The following SOD1 variants were observed in gnomAD, a reference collection of about 807,000 sequenced individuals.
The protein encoded by SOD1 is superoxide dismutase 1.
Under a neutral mutation model 15.9 loss-of-function variants are expected in SOD1, and 8 were observed. The observed-to-expected ratio is 0.50, with a 90% CI of 0.30 to 0.91. The LOEUF is 0.91. Among genes scored for constraint, SOD1 ranks in the 40% least tolerant of loss-of-function variants. SOD1 has a pLI of 0.07. For missense variants in SOD1, 137 were observed against 194.5 expected (o/e 0.70, Z 1.76); for synonymous variants, 86 against 71.2 (o/e 1.21, Z -1.04).
At chr21:31,660,808 G>T (rs931032273) in intron 1 of SOD1, 10 of 152,164 alleles carry the variant, frequency 6.6e-5, no homozygotes, top group African/African-American at 2.4e-4. Context: ...TTTCGTATTT[G>T]GAAATTAGAA....
Position 31,664,006 on chromosome 21 carries a change from C to G in SOD1, c.169+120C>G, listed in dbSNP as rs369360821. 22 of 753,586 alleles carry G rather than the reference C, an allele frequency of 2.9e-5. No individual in the cohort carries two copies. The East Asian group carries it at 5.9e-4, about 20-fold the overall frequency. 46.7% of individuals were successfully genotyped at this position (753,586 alleles called of 1,614,324 possible). Reference sequence around the variant, plus strand: ...TTTGTTTTTGAGAAAGGGTCTTGCTCTGTCGCTCAGGCTGGAGTGCAGTGG... The same window carrying G: ...TTTGTTTTTGAGAAAGGGTCTTGCTGTGTCGCTCAGGCTGGAGTGCAGTGG... On this transcript the variant is annotated intron_variant, in intron 2 of 4. Transcript: ENST00000270142.
At chr21:31,659,901 C>G in intron 1 of SOD1, 60 bp downstream of exon 1, 1 of 1,560,032 alleles carries the variant, frequency 6.4e-7, no homozygotes, top group Non-Finnish European at 8.8e-7. Flanking sequence ...TCCCCCCGCG[C>G]ACCTTTGCTA....
In SOD1 at chr21:31,659,699, T is replaced by C. The variant is rs1412549788; in HGVS notation, c.-71T>C. The C allele has an allele frequency of 6.6e-7, 1 of 1,510,304 alleles. No homozygotes were observed. Among genetic ancestry groups the C allele is most frequent in the Non-Finnish European group, 9.2e-7 (1 of 1,086,904 alleles). 93.6% of individuals were successfully genotyped at this position (1,510,304 alleles called of 1,614,324 possible). On this transcript the variant is annotated 5_prime_UTR_variant, in exon 1 of 5. Coordinates refer to ENST00000270142, the MANE Select transcript of SOD1 (RefSeq NM_000454.5). ...GGAGACGGGGTGCTGGTTTGCGTCG[T>C]AGTCTCCTGCAGCGTCTGGGGTTTC...
intron 1 of SOD1, among the ~76,000 whole-genome samples, chr21:31,662,172 AG>A (rs1339193017): frequency 6.6e-6 from 1 of 152,182 alleles, no homozygotes; most frequent in East Asian, 1.9e-4. Flanking sequence ...GGTTAAATGG[AG>A]GTTTCAAAGA....
Position 31,666,497 on chromosome 21 carries a change from G to C in SOD1, c.218G>C (p.Gly73Ala). The C allele has an allele frequency of 6.2e-7, 1 of 1,612,598 alleles. No homozygotes were observed. Among genetic ancestry groups the C allele is most frequent in the Non-Finnish European group, 8.5e-7 (1 of 1,178,790 alleles). Residue 73 changes from glycine (G) to alanine (A), a missense_variant, in exon 3 of 5, where the codon GGT becomes GCT. Coordinates refer to ENST00000270142, the MANE Select transcript of SOD1 (RefSeq NM_000454.5). ...PHFNPLSRKH[G>A]GPKDEERHVG... Reference sequence around the variant, plus strand: ...TTTAATCCTCTATCCAGAAAACACGGTGGGCCAAAGGATGAAGAGAGGTAA... The same window carrying C: ...TTTAATCCTCTATCCAGAAAACACGCTGGGCCAAAGGATGAAGAGAGGTAA...
Position 31,663,771 on chromosome 21 carries a change from C to T in SOD1, c.73-19C>T. 1 of 1,572,838 alleles carries T rather than the reference C, an allele frequency of 6.4e-7. No individual in the cohort carries two copies. The highest frequency in any genetic ancestry group is 8.7e-7 in the Non-Finnish European group (1 of 1,143,052). ...TTCTTTGTTCAGAAACTCTCTCCAACTTTGCACTTTTCTTAAAGGAAAGTA... is the reference window on the plus strand; with the variant it reads ...TTCTTTGTTCAGAAACTCTCTCCAATTTTGCACTTTTCTTAAAGGAAAGTA... On this transcript the variant is annotated intron_variant, in intron 1 of 4. Coordinates refer to ENST00000270142, the MANE Select transcript of SOD1 (RefSeq NM_000454.5).
chr21:31,666,383 CTTTTTAGAATGTA>C, intron 2 of SOD1, 53 bp from the exon 3 acceptor site: 1 of 1,278,486 alleles, frequency 7.8e-7, no homozygotes, highest in African/African-American at 1.5e-5. Flanking sequence ...AGCAGTGTTT[CTTTTTAGAATGTA>C]TTTGGGAACT....
intron 1 of SOD1, chr21:31,661,636 AC>A (rs1333349130): frequency 6.6e-6 from 1 of 152,608 alleles, no homozygotes; most frequent in African/African-American, 2.4e-5. Flanking sequence ...TGCTGGGATT[AC>A]AGGCGTGAGC....
rs775589608 is a variant in SOD1 at position 31,659,721 on chromosome 21, T to C, written c.-49T>C. On this transcript the variant is annotated 5_prime_UTR_variant, in exon 1 of 5. Coordinates refer to ENST00000270142, the MANE Select transcript of SOD1 (RefSeq NM_000454.5). ...TCGTAGTCTCCTGCAGCGTCTGGGGTTTCCGTTGCAGTCCTCGGAACCAGG... is the reference window on the plus strand; with the variant it reads ...TCGTAGTCTCCTGCAGCGTCTGGGGCTTCCGTTGCAGTCCTCGGAACCAGG... The C allele has an allele frequency of 3.1e-6, 5 of 1,587,732 alleles. No homozygotes were observed. Among genetic ancestry groups the C allele is most frequent in the Non-Finnish European group, 4.3e-6 (5 of 1,156,474 alleles).
intron 2 of SOD1, among the ~76,000 whole-genome samples, chr21:31,665,682 G>A (rs886404955): frequency 1.3e-5 from 2 of 152,204 alleles, no homozygotes; most frequent in African/African-American, 4.8e-5. Context: ...CCGCCCCCTC[G>A]AGTTGTGTAA....
At chr21:31,663,704 G>A (rs2049568524) in intron 1 of SOD1, 86 bp from the exon 2 acceptor site, 1 of 1,076,124 alleles carries the variant, frequency 9.3e-7, no homozygotes, top group South Asian at 1.3e-5. Context: ...AAGTCTGGCT[G>A]CTTTTTACTT....
rs1420299909 is a variant in SOD1, at chr21:31,659,723, T to C, written c.-47T>C. ...GTAGTCTCCTGCAGCGTCTGGGGTT[T>C]CCGTTGCAGTCCTCGGAACCAGGAC... On this transcript the variant is annotated 5_prime_UTR_variant, in exon 1 of 5. Coordinates refer to ENST00000270142, the MANE Select transcript of SOD1 (RefSeq NM_000454.5). The C allele has an allele frequency of 6.3e-7, 1 of 1,594,898 alleles. No homozygotes were observed. Among genetic ancestry groups the C allele is most frequent in the Non-Finnish European group, 8.6e-7 (1 of 1,162,792 alleles).
intron 3 of SOD1, 150 bp from the exon 4 acceptor site, chr21:31,667,108 G>C (rs1227111136): frequency 5.8e-6 from 4 of 689,818 alleles, no homozygotes; most frequent in Admixed American, 2.0e-5. Flanking sequence ...GTGTGTAGAC[G>C]TGAAGCCTTG....
intron 4 of SOD1, among the ~76,000 whole-genome samples, chr21:31,667,715 T>G (rs561217440): frequency 1.5e-3 from 231 of 152,334 alleles, no homozygotes; most frequent in African/African-American, 5.4e-3. Flanking sequence ...TTGTTAAGTT[T>G]AAAACCTGGG....
Position 31,666,533 on chromosome 21 carries a change from A to T in SOD1, c.239+15A>T, listed in dbSNP as rs766574368. 11 of 1,572,052 alleles carry T rather than the reference A, an allele frequency of 7.0e-6. No homozygotes were observed. The highest frequency in any genetic ancestry group is 6.7e-5 in the East Asian group (3 of 44,666). ...GATGAAGAGAGGTAACAAGATGCTT[A>T]ACTCTTGTAATAATGGCGATAGCTT... On this transcript the variant is annotated intron_variant, in intron 3 of 4. Transcript: ENST00000270142.
chr21:31,667,184 T>C, intron 3 of SOD1, 74 bp from the exon 4 acceptor site: 1 of 1,204,012 alleles, frequency 8.3e-7, no homozygotes. Context: ...CAGTCAAGTT[T>C]TAATTTAGCT....
At chr21:31,668,162 G>T (rs147709416) in intron 4 of SOD1, among the ~76,000 whole-genome samples, 91 of 152,184 alleles carry the variant, frequency 6.0e-4, no homozygotes, top group African/African-American at 2.1e-3. Flanking sequence ...GCGGAACTAA[G>T]GTTACTGTAA....
Position 31,668,058 on chromosome 21 carries a change from C to T in SOD1, c.358-413C>T, listed in dbSNP as rs4817420. On this transcript the variant is annotated intron_variant, in intron 4 of 4. Coordinates refer to ENST00000270142, the MANE Select transcript of SOD1 (RefSeq NM_000454.5). ...TAGGATTATACCTTACTTATAGGCC[C>T]GTCATTCATTTGGCATGAAATTTTG... is the stretch of plus-strand genomic sequence containing the variant. 0.25 allele frequency among the ~76,000 whole-genome samples: 37,810 copies of T among 151,898 alleles called. 5,467 individuals carry two copies. The highest frequency in any genetic ancestry group is 0.37 in the Middle Eastern group (108 of 294).
At position 31,659,758 on chromosome 21, in the gene SOD1, G is replaced by T. The variant is rs369622986; in HGVS notation, c.-12G>T. The T allele has an allele frequency of 9.9e-6, 16 of 1,613,830 alleles. No individual in the cohort carries two copies. The African/African-American group carries it at 2.1e-4, about 22-fold the overall frequency. Reference sequence around the variant, plus strand: ...TCCTCGGAACCAGGACCTCGGCGTGGCCTAGCGAGTTATGGCGACGAAGGC... The same window carrying T: ...TCCTCGGAACCAGGACCTCGGCGTGTCCTAGCGAGTTATGGCGACGAAGGC... On this transcript the variant is annotated 5_prime_UTR_variant, in exon 1 of 5. Coordinates refer to ENST00000270142, the MANE Select transcript of SOD1 (RefSeq NM_000454.5).
Sources: gnomAD v4.1 joint callset for allele counts (sites outside exome capture counted in the v4.1 genomes callset) on GRCh38, gnomAD v4.1.1 for gene constraint, MANE v1.5 for transcripts, NCBI Gene and HGNC (gene_info 2026-07-23, HGNC 2026-07-21) for gene names.